Variants in GIMD1 observed in about 807,000 individuals in gnomAD.
The protein encoded by GIMD1 is GIMAP family P-loop NTPase domain containing 1.
A neutral mutation model predicts 14.9 loss-of-function variants in GIMD1; 14 were observed. The ratio of observed to expected loss-of-function variants is 0.94; its 90% CI spans 0.62 to 1.47. GIMD1 has a LOEUF of 1.47. GIMD1 is among the 40% of genes most tolerant of loss of function. The probability of loss-of-function intolerance (pLI) is 0.00; values close to 1 mark genes in which losing one functional copy is unlikely to be tolerated. For missense variants in GIMD1, 272 were observed against 255.3 expected (o/e 1.07, Z -0.44); for synonymous variants, 91 against 90.5 (o/e 1.01, Z -0.03).
intron 2 of GIMD1, among the ~76,000 whole-genome samples, chr4:106,363,770 G>C (rs757343677): frequency 6.6e-6 from 1 of 150,674 alleles, no homozygotes; most frequent in South Asian, 2.1e-4. Flanking sequence ...TAGCTTTTCC[G>C]AGCTTTTTGT....
rs1328740263 is a variant in GIMD1, at chr4:106,358,365, T to C, written c.472A>G (p.Thr158Ala). The stretch of plus-strand genomic sequence containing the variant: ...GCCTCATGTAAATATTTATCTTCAG[T>C]AAGCCCAGCCTCTTCTATTTTTTCT... ...HAEKIEEAGL[T>A]EDKYLHEASD... Residue 158 changes from threonine to alanine, a missense_variant, in exon 3 of 3, where the codon ACT (threonine) becomes GCT (alanine). By Grantham distance (58) the Thr-to-Ala change is moderately conservative. Coordinates refer to ENST00000638719, the MANE Select transcript of GIMD1 (RefSeq NM_001195138.2). The C allele has an allele frequency of 1.0e-5, 16 of 1,533,598 alleles. No homozygotes were observed. Among genetic ancestry groups the C allele is most frequent in the Non-Finnish European group, 1.4e-5 (16 of 1,145,152 alleles). 95.0% of individuals were successfully genotyped at this position (1,533,598 alleles called of 1,614,324 possible). A position where few individuals can be genotyped will look rare whatever the true frequency, so the allele number is the denominator to read the frequency against.
intron 2 of GIMD1, among the ~76,000 whole-genome samples, chr4:106,363,665 T>C (rs1224909580): frequency 2.0e-5 from 3 of 152,124 alleles, no homozygotes; most frequent in Non-Finnish European, 4.4e-5. Flanking sequence ...GTAACATTTA[T>C]AGTCATACAC....
chr4:106,365,485 A>G (rs564601923), intron 2 of GIMD1, among the ~76,000 whole-genome samples: 1 of 152,172 alleles, frequency 6.6e-6, no homozygotes, highest in South Asian at 2.1e-4. Flanking sequence ...AAAGGAAAAA[A>G]TCTTCATTAA....
chr4:106,360,675 T>G (rs1279145848), intron 2 of GIMD1, among the ~76,000 whole-genome samples: 1 of 152,058 alleles, frequency 6.6e-6, no homozygotes, highest in Non-Finnish European at 1.5e-5. Flanking sequence ...CTAAGGTCAT[T>G]AGGGTGAGTC....
chr4:106,360,636 T>C (rs1010315813), intron 2 of GIMD1, among the ~76,000 whole-genome samples: 3 of 152,008 alleles, frequency 2.0e-5, no homozygotes, highest in Non-Finnish European at 4.4e-5. Flanking sequence ...TATTTGGAAA[T>C]AGGGTCATTG....
chr4:106,363,097 G>A lies in GIMD1; in HGVS notation c.393+3946C>T, dbSNP rs151334773. The stretch of plus-strand genomic sequence containing the variant: ...TCTTATGTTTATAAATCAGGGCCAC[G>A]TAAATTTGATTTTACTCTTATTTTC... On this transcript the variant is annotated intron_variant, in intron 2 of 2. Transcript: ENST00000638719. Among the ~76,000 whole-genome samples, 25 of 152,030 alleles carry A rather than the reference G, an allele frequency of 1.6e-4. No individual in the cohort carries two copies. The East Asian group carries it at 4.3e-3, about 26-fold the overall frequency.
chr4:106,363,300 A>G (rs1770642298), intron 2 of GIMD1, among the ~76,000 whole-genome samples: 1 of 152,166 alleles, frequency 6.6e-6, no homozygotes, highest in South Asian at 2.1e-4. Context: ...AACCCAATGA[A>G]GCAGACACTA....
intron 2 of GIMD1, among the ~76,000 whole-genome samples, chr4:106,365,168 A>T (rs1009751341): frequency 6.6e-6 from 1 of 152,134 alleles, no homozygotes; most frequent in Non-Finnish European, 1.5e-5. Flanking sequence ...CCACCACTTG[A>T]TTTCTACCAG....
In GIMD1 at chr4:106,367,283, GC is replaced by G. The variant is rs1269658420; in HGVS notation, c.152del (p.Arg51ProfsTer14). 1 of 1,535,970 alleles carries G rather than the reference GC, an allele frequency of 6.5e-7. No individual in the cohort carries two copies. Among genetic ancestry groups the G allele is most frequent in the Admixed American group, 2.0e-5 (1 of 50,990 alleles). The stretch of plus-strand genomic sequence containing the variant: ...GCATGAAGCTGTGGAGGTGACAACT[GC>G]GGCCCAGGCTACAACATGTGGTCAC... ...CSVTTCCSLG[R>X]SCHLHSFMRR... On this transcript the variant is annotated frameshift_variant, in exon 2 of 3. Transcript: ENST00000638719. LOFTEE classifies it high-confidence loss of function.
chr4:106,364,758 G>A (rs1317460438), intron 2 of GIMD1, among the ~76,000 whole-genome samples: 1 of 152,124 alleles, frequency 6.6e-6, no homozygotes, highest in African/African-American at 2.4e-5. Flanking sequence ...GCTGCCTTCA[G>A]TTCCTGAATT....
chr4:106,366,938 TA>T, intron 2 of GIMD1, 104 bp downstream of exon 2: 1 of 344,538 alleles, frequency 2.9e-6, no homozygotes, highest in Non-Finnish European at 4.6e-6. Context: ...TATTATATAC[TA>T]ATAGTATAAT....
In GIMD1 at chr4:106,367,278, C is replaced by A; in HGVS notation, c.158G>T (p.Cys53Phe). The change falls in exon 2 of 3, where the codon TGT becomes TTT. Residue 53 changes from cysteine to phenylalanine, a missense_variant. Physicochemically the swap from Cys to Phe is radical, Grantham distance 205 (BLOSUM62 -2). Coordinates refer to ENST00000638719, the MANE Select transcript of GIMD1 (RefSeq NM_001195138.2). ...VTTCCSLGRSCHLHSFMRRGG... is the reference protein window; with the variant it reads ...VTTCCSLGRSFHLHSFMRRGG... Reference sequence around the variant, plus strand: ...TCGACGCATGAAGCTGTGGAGGTGACAACTGCGGCCCAGGCTACAACATGT... The same window carrying A: ...TCGACGCATGAAGCTGTGGAGGTGAAAACTGCGGCCCAGGCTACAACATGT... 1 of 1,535,946 alleles carries A rather than the reference C, an allele frequency of 6.5e-7. No individual in the cohort carries two copies. Among genetic ancestry groups the A allele is most frequent in the South Asian group, 1.2e-5 (1 of 84,056 alleles).
rs757825851 is a variant in GIMD1, at chr4:106,358,410, C to A, written c.427G>T (p.Ala143Ser). 9 of 1,522,864 alleles carry A rather than the reference C, an allele frequency of 5.9e-6. No individual in the cohort carries two copies. The highest frequency in any genetic ancestry group is 7.9e-6 in the Non-Finnish European group (9 of 1,142,610). 94.3% of individuals were successfully genotyped at this position (1,522,864 alleles called of 1,614,324 possible). A position where few individuals can be genotyped will look rare whatever the true frequency, so the allele number is the denominator to read the frequency against. The change falls in exon 3 of 3, where the codon GCC becomes TCC. Residue 143 changes from alanine to serine, a missense_variant. By Grantham distance (99) the Ala-to-Ser change is moderately conservative. Transcript: ENST00000638719. ...LLGHAWMNYT[A>S]ILFTHAEKIE... The stretch of plus-strand genomic sequence containing the variant: ...TTTTCTGCATGGGTAAAAAGAATGG[C>A]TGTGTAATTCATCCAAGCATGTCCA...
At position 106,367,392 on chromosome 4, in the gene GIMD1, C is replaced by T; in HGVS notation, c.44G>A (p.Gly15Asp). The change falls in exon 2 of 3, where the codon GGC becomes GAC. Residue 15 changes from glycine to aspartate, a missense_variant. Physicochemically the swap from Gly to Asp is moderately conservative, Grantham distance 94. Coordinates refer to ENST00000638719, the MANE Select transcript of GIMD1 (RefSeq NM_001195138.2). ...AGAACTTTTTCCACTCTGAGTCATGCCAAAGAGGGCCAAGTTGATGATCAT... is the reference window on the plus strand; with the variant it reads ...AGAACTTTTTCCACTCTGAGTCATGTCAAAGAGGGCCAAGTTGATGATCAT... ...NKMIINLALF[G>D]MTQSGKSSAG... 1 of 1,535,334 alleles carries T rather than the reference C, an allele frequency of 6.5e-7. No homozygotes were observed. The highest frequency in any genetic ancestry group is 8.7e-7 in the Non-Finnish European group (1 of 1,146,458).
In GIMD1 at chr4:106,358,042, T is replaced by C; in HGVS notation, c.*141A>G. On this transcript the variant is annotated 3_prime_UTR_variant, in exon 3 of 3. Coordinates refer to ENST00000638719, the MANE Select transcript of GIMD1 (RefSeq NM_001195138.2). The stretch of plus-strand genomic sequence containing the variant: ...TTGATGTTCTTTTTAACTTCTAGTT[T>C]TCCAAAGTGGTTATACCAATGTACA... The C allele has an allele frequency of 1.8e-6, 1 of 568,898 alleles. No homozygotes were observed. Among genetic ancestry groups the C allele is most frequent in the East Asian group, 3.0e-5 (1 of 33,408 alleles). 35.2% of individuals were successfully genotyped at this position (568,898 alleles called of 1,614,324 possible). A position where few individuals can be genotyped will look rare whatever the true frequency, so the allele number is the denominator to read the frequency against.
chr4:106,363,887 G>GC (rs1280771083), intron 2 of GIMD1, among the ~76,000 whole-genome samples: 15 of 141,258 alleles, frequency 1.1e-4, no homozygotes, highest in African/African-American at 3.3e-4. Context: ...CCATAATGGG[G>GC]GGGGGGGGGC....
chr4:106,365,938 TAC>T (rs74949934), intron 2 of GIMD1, among the ~76,000 whole-genome samples: 3,483 of 147,718 alleles, frequency 0.024, 126 homozygotes, highest in African/African-American at 0.078. Flanking sequence ...TACACACACG[TAC>T]ACACACACAC....
At chr4:106,367,748 T>A (rs994535545) in intron 1 of GIMD1, among the ~76,000 whole-genome samples, 5 of 152,164 alleles carry the variant, frequency 3.3e-5, no homozygotes, top group Admixed American at 3.3e-4. Flanking sequence ...AAGAGAAATA[T>A]GTTAACTCAT....
chr4:106,359,898 G>A (rs1770590177), intron 2 of GIMD1, among the ~76,000 whole-genome samples: 1 of 151,908 alleles, frequency 6.6e-6, no homozygotes, highest in Admixed American at 6.6e-5. Context: ...AACTGATACA[G>A]TCTGGCTTTT....
Sources: allele counts gnomAD v4.1 joint callset (sites outside exome capture counted in the v4.1 genomes callset), GRCh38; gene constraint gnomAD v4.1.1; transcripts MANE v1.5; gene names NCBI Gene and HGNC (gene_info 2026-07-23, HGNC 2026-07-21).